The following ARRDC5 variants were observed in gnomAD, a reference collection of about 807,000 sequenced individuals.
ARRDC5 encodes the protein arrestin domain-containing protein 5.
Under a neutral mutation model 13.3 loss-of-function variants are expected in ARRDC5, and 12 were observed. That is an observed-to-expected ratio of 0.90 (90% CI 0.58 to 1.46). The LOEUF (loss-of-function observed/expected upper bound fraction) is 1.46, where lower values mean the gene tolerates loss of function less well. Ranked by LOEUF, ARRDC5 falls within the 40% of genes most tolerant of loss-of-function variation. The pLI, the probability that ARRDC5 is intolerant of heterozygous loss-of-function variation, is 0.00. For missense variants in ARRDC5, 406 were observed against 418.7 expected (o/e 0.97, Z 0.26); for synonymous variants, 181 against 173.4 (o/e 1.04, Z -0.34).
chr19:4,914,656 C>CTT, the ARRDC5 span, among the ~76,000 whole-genome samples: 4 of 139,256 alleles, frequency 2.9e-5, no homozygotes, highest in African/African-American at 5.2e-5. Flanking sequence ...ACCCCTCAAT[C>CTT]TTTTTTTTTT....
At position 4,891,523 on chromosome 19, in the gene ARRDC5, G is replaced by T; in HGVS notation, c.510C>A (p.Arg170=). Residue 170 remains arginine (R), a synonymous_variant, in exon 3 of 3, where the codon CGC becomes CGA. Coordinates refer to ENST00000650722, the MANE Select transcript of ARRDC5 (RefSeq NM_001080523.3). The part of the protein sequence containing the change: ...AEEKVSYNCC[R]QGTVCLQIQM... ...GGATTTGCAAACAGACAGTGCCCTG[G>T]CGGCAGCAGTTGTAGGAGACTTTCT... The T allele has an allele frequency of 6.2e-7, 1 of 1,613,856 alleles. No individual in the cohort carries two copies.
Position 4,891,477 on chromosome 19 carries a change from T to C in ARRDC5, c.556A>G (p.Thr186Ala). 3 of 1,613,858 alleles carry C rather than the reference T, an allele frequency of 1.9e-6. No homozygotes were observed. Among genetic ancestry groups the C allele is most frequent in the Non-Finnish European group, 2.5e-6 (3 of 1,179,862 alleles). ...GTGAAGACGACCTTCTCTCCTGGCG[T>C]GAAGGTGTTCCTTTCCATCTGGATT... ...LQIQMERNTF[T>A]PGEKVVFTTE... is the part of the protein sequence containing the mutation. Residue 186 changes from threonine to alanine, a missense_variant, in exon 3 of 3, where the codon ACG (threonine) becomes GCG (alanine). Coordinates refer to ENST00000650722, the MANE Select transcript of ARRDC5 (RefSeq NM_001080523.3).
the ARRDC5 span, among the ~76,000 whole-genome samples, chr19:4,913,356 C>T: frequency 3.4e-5 from 5 of 146,456 alleles, no homozygotes; most frequent in African/African-American, 5.1e-5. Context: ...CAAGTTCAAG[C>T]GATCCTCCTG....
the ARRDC5 span, chr19:4,909,159 A>C: frequency 3.0e-6 from 1 of 332,274 alleles, no homozygotes; most frequent in Non-Finnish European, 5.6e-6. Context: ...CCTACTGGTC[A>C]ATGCGTGCGA....
chr19:4,896,486 C>A (rs1357334080), intron 2 of ARRDC5, among the ~76,000 whole-genome samples, 185 bp downstream of exon 2: 1 of 150,876 alleles, frequency 6.6e-6, no homozygotes. Flanking sequence ...TGGCTTACTG[C>A]AGCCTTGACC....
intron 2 of ARRDC5, among the ~76,000 whole-genome samples, chr19:4,891,959 A>C (rs976443666): frequency 3.3e-5 from 5 of 151,514 alleles, no homozygotes; most frequent in Admixed American, 1.3e-4. Flanking sequence ...CGTCTCAAAA[A>C]AAAAAAAAAG....
chr19:4,904,181 T>C (rs1469054079), upstream of ARRDC5, among the ~76,000 whole-genome samples: 1 of 150,402 alleles, frequency 6.6e-6, no homozygotes, highest in Non-Finnish European at 1.5e-5. Context: ...TTGTTTTTGT[T>C]TTTGTTTTTT....
At chr19:4,894,650 C>G (rs1331431526) in intron 2 of ARRDC5, among the ~76,000 whole-genome samples, 5 of 148,692 alleles carry the variant, frequency 3.4e-5, no homozygotes, top group South Asian at 2.1e-4. Flanking sequence ...CGCCACTGCC[C>G]TCCAGCCTGG....
intron 2 of ARRDC5, among the ~76,000 whole-genome samples, chr19:4,896,361 T>TTACAC (rs761253103): frequency 4.7e-5 from 4 of 84,958 alleles, no homozygotes; most frequent in African/African-American, 2.2e-4. Context: ...TTTTTTTTTT[T>TTACAC]ACACACACAC....
chr19:4,896,776 A>T lies in ARRDC5; in HGVS notation c.354T>A (p.Tyr118Ter). ...TGCCCATGCAGGAAGCTTGTACGAA[A>T]TAGAAGACATGGCCAAATTTGCTGG... ...TFTSKFGHVFYFVQASCMGRE... is the reference protein window; with the variant it reads ...TFTSKFGHVF The change falls in exon 2 of 3, where the codon TAT (tyrosine) becomes TAA (stop). Residue 118 changes from tyrosine to a stop codon, truncating the protein, a stop_gained. Coordinates refer to ENST00000650722, the MANE Select transcript of ARRDC5 (RefSeq NM_001080523.3). LOFTEE classifies it high-confidence loss of function. The T allele has an allele frequency of 6.2e-7, 1 of 1,613,818 alleles. No individual in the cohort carries two copies. Among genetic ancestry groups the T allele is most frequent in the Non-Finnish European group, 8.5e-7 (1 of 1,179,794 alleles).
At chr19:4,900,143 CTTTTTTTTTT>C (rs35303447) in intron 1 of ARRDC5, among the ~76,000 whole-genome samples, 1 of 84,224 alleles carries the variant, frequency 1.2e-5, no homozygotes, top group East Asian at 3.7e-4. Flanking sequence ...CTGTTTCTTT[CTTTTTTTTTT>C]TTTTTTTTTT....
chr19:4,916,083 G>A, the ARRDC5 span, among the ~76,000 whole-genome samples: 1 of 152,092 alleles, frequency 6.6e-6, no homozygotes, highest in East Asian at 1.9e-4. Context: ...GCTGAGGCGA[G>A]GATCGCTTGA....
the ARRDC5 span, among the ~76,000 whole-genome samples, chr19:4,916,253 C>T: frequency 2.6e-5 from 4 of 151,724 alleles, no homozygotes; most frequent in African/African-American, 9.7e-5. Flanking sequence ...CTGCAGTGAA[C>T]CAAGATTGTA....
chr19:4,899,859 A>G (rs2031858063), intron 1 of ARRDC5, among the ~76,000 whole-genome samples: 1 of 150,652 alleles, frequency 6.6e-6, no homozygotes, highest in Non-Finnish European at 1.5e-5. Context: ...GAATGGCGAG[A>G]ACCCGGGAGG....
At chr19:4,911,084 C>T in the ARRDC5 span, 3 of 1,459,036 alleles carry the variant, frequency 2.1e-6, no homozygotes, top group Non-Finnish European at 1.8e-6. Context: ...GTCCAGGCCT[C>T]GCGCCTCTGC....
chr19:4,899,959 G>T (rs1400647198), intron 1 of ARRDC5, among the ~76,000 whole-genome samples: 1 of 147,206 alleles, frequency 6.8e-6, no homozygotes, highest in Admixed American at 6.8e-5. Flanking sequence ...ATAAATAAAA[G>T]AAAAGAAAAC....
At chr19:4,905,068 C>T (rs941964288), upstream of ARRDC5, among the ~76,000 whole-genome samples, 1 of 151,626 alleles carries the variant, frequency 6.6e-6, no homozygotes, top group African/African-American at 2.4e-5. Flanking sequence ...CCACATTTGG[C>T]CCAGGATGGA....
the ARRDC5 span, among the ~76,000 whole-genome samples, chr19:4,911,327 A>G: frequency 1.3e-5 from 2 of 152,144 alleles, no homozygotes; most frequent in Non-Finnish European, 2.9e-5. Context: ...TAATGGCTAG[A>G]GAAAGAAGTT....
chr19:4,904,426 A>T (rs746844398), upstream of ARRDC5, among the ~76,000 whole-genome samples: 1 of 151,826 alleles, frequency 6.6e-6, no homozygotes, highest in Non-Finnish European at 1.5e-5. Flanking sequence ...TGATCCGCCC[A>T]CCTTGGCCTC....
Sources: gnomAD v4.1 joint callset for allele counts (sites outside exome capture counted in the v4.1 genomes callset) on GRCh38, gnomAD v4.1.1 for gene constraint, MANE v1.5 for transcripts, NCBI Gene and HGNC (gene_info 2026-07-23, HGNC 2026-07-21) for gene names.